KANK1: variants seen among roughly 807,000 people sequenced by gnomAD.
KANK1 encodes the protein KN motif and ankyrin repeat domain-containing protein 1.
In KANK1, 109 loss-of-function variants were observed where a neutral mutation model predicts 106.2. The observed-to-expected ratio is 1.03, with a 90% CI of 0.88 to 1.20. The LOEUF (loss-of-function observed/expected upper bound fraction) is 1.20, where lower values mean the gene tolerates loss of function less well. Among genes scored for constraint, KANK1 ranks in the 50% most tolerant of loss-of-function variants. The probability of loss-of-function intolerance (pLI) is 0.00; values close to 1 mark genes in which losing one functional copy is unlikely to be tolerated. For synonymous variants in KANK1, 873 were observed against 652.2 expected (o/e 1.34, Z -5.16); for missense variants, 2,399 against 1,710.7 (o/e 1.40, Z -7.10).
intron 1 of KANK1, among the ~76,000 whole-genome samples, chr9:533,666 G>C (rs1039877614): frequency 5.9e-5 from 9 of 152,202 alleles, no homozygotes; most frequent in African/African-American, 2.2e-4. Flanking sequence ...CCAAGGATGA[G>C]AGAGGCTGTG....
chr9:652,269 C>G (rs557364200), intron 1 of KANK1, among the ~76,000 whole-genome samples: 4 of 152,200 alleles, frequency 2.6e-5, no homozygotes, highest in South Asian at 4.1e-4. Context: ...TCCTGTAATC[C>G]CAGCACTTTG....
intron 1 of KANK1, among the ~76,000 whole-genome samples, chr9:577,427 C>T (rs1388261948): frequency 2.6e-5 from 4 of 151,992 alleles, no homozygotes; most frequent in Non-Finnish European, 4.4e-5. Flanking sequence ...CTGATTGGTG[C>T]GTTTTTACAG....
chr9:512,512 A>G (rs993885508), intron 1 of KANK1, among the ~76,000 whole-genome samples: 1 of 152,090 alleles, frequency 6.6e-6, no homozygotes, highest in Admixed American at 6.5e-5. Flanking sequence ...CCTGATTTAA[A>G]TGTGAATCTC....
rs755959811 is a variant in KANK1, at chr9:561,244, CAATT to C, written c.-84+56493_-84+56496del. 1.1e-3 allele frequency among the ~76,000 whole-genome samples: 164 copies of C among 152,196 alleles called. 1 individual carries two copies. Among genetic ancestry groups the C allele is most frequent in the Non-Finnish European group, 8.8e-4 (60 of 68,008 alleles). On this transcript the variant is annotated intron_variant, in intron 1 of 11. Transcript: ENST00000382297. ...GAAGGATATGTTTTTCTATTTCAAT[CAATT>C]AAGAATTTTTGCTTTGTAAACACAC...
At chr9:608,107 G>T (rs1230124008) in intron 1 of KANK1, among the ~76,000 whole-genome samples, 1 of 140,016 alleles carries the variant, frequency 7.1e-6, no homozygotes, top group South Asian at 2.2e-4. Flanking sequence ...GCGCAATCTC[G>T]GCTCACTGCA....
intron 2 of KANK1, chr9:706,852 G>T: frequency 1.0e-6 from 1 of 985,438 alleles, no homozygotes; most frequent in Non-Finnish European, 1.2e-6. Flanking sequence ...CTGGGCAGGA[G>T]GACACAGACT....
chr9:579,375 G>A (rs1821433716), intron 1 of KANK1, among the ~76,000 whole-genome samples: 1 of 152,152 alleles, frequency 6.6e-6, no homozygotes, highest in Admixed American at 6.5e-5. Context: ...CCAAAATCCA[G>A]GATCTTCAGA....
chr9:730,115 G>T lies in KANK1; in HGVS notation c.2763G>T (p.Gln921His), dbSNP rs747616826. The change falls in exon 4 of 12, where the codon CAG (glutamine) becomes CAT (histidine). Residue 921 changes from glutamine (Q) to histidine (H), a missense_variant. Coordinates refer to ENST00000382297, the MANE Select transcript of KANK1 (RefSeq NM_015158.5). ...GLQSGSPLSS[Q>H]TSQPEQEVGT... ...AGTCAGGAAGTCCCTTAAGCTCCCAGACATCCCAGCCTGAGCAAGAAGTGG... is the reference window on the plus strand; with the variant it reads ...AGTCAGGAAGTCCCTTAAGCTCCCATACATCCCAGCCTGAGCAAGAAGTGG... The T allele has an allele frequency of 6.2e-7, 1 of 1,614,184 alleles. No individual in the cohort carries two copies. The highest frequency in any genetic ancestry group is 2.2e-5 in the East Asian group (1 of 44,878).
At chr9:725,442 G>C (rs1269067495) in intron 3 of KANK1, among the ~76,000 whole-genome samples, 2 of 146,410 alleles carry the variant, frequency 1.4e-5, no homozygotes, top group African/African-American at 5.1e-5. Flanking sequence ...GCAGTGAACT[G>C]AGATCACGCC....
intron 3 of KANK1, among the ~76,000 whole-genome samples, chr9:481,858 A>G (rs554442263): frequency 2.0e-5 from 3 of 151,284 alleles, no homozygotes; most frequent in East Asian, 2.0e-4. Context: ...AAAAAAAAAT[A>G]AAGGATGAAC....
chr9:533,444 A>G (rs757355753), intron 1 of KANK1, among the ~76,000 whole-genome samples: 1 of 152,230 alleles, frequency 6.6e-6, no homozygotes. Flanking sequence ...GGCATAATGC[A>G]TTTAAAGTGG....
chr9:740,965 T>C (rs1256308352), intron 9 of KANK1, 31 bp downstream of exon 9: 5 of 1,612,232 alleles, frequency 3.1e-6, no homozygotes, highest in Non-Finnish European at 4.2e-6. Flanking sequence ...TGCTCAGGAA[T>C]GCACCCGTAA....
intron 1 of KANK1, among the ~76,000 whole-genome samples, chr9:599,147 T>C (rs1588134017): frequency 6.6e-6 from 1 of 150,494 alleles, no homozygotes; most frequent in Non-Finnish European, 1.5e-5. Context: ...GCCTCCTGAG[T>C]AGCTGGGATT....
intron 1 of KANK1, among the ~76,000 whole-genome samples, chr9:635,724 A>G (rs1188230128): frequency 5.0e-5 from 5 of 100,616 alleles, no homozygotes; most frequent in African/African-American, 2.1e-4. Flanking sequence ...TTTGAGACGG[A>G]GTCTTACTCT....
intron 6 of KANK1, 148 bp downstream of exon 6, chr9:732,765 A>T: frequency 1.2e-6 from 1 of 833,500 alleles, no homozygotes; most frequent in Non-Finnish European, 1.9e-6. Flanking sequence ...TAATATATAC[A>T]AGTGCAGAGT....
At chr9:598,536 T>G (rs1384491347) in intron 1 of KANK1, among the ~76,000 whole-genome samples, 2 of 151,054 alleles carry the variant, frequency 1.3e-5, no homozygotes, top group African/African-American at 4.9e-5. Flanking sequence ...TCTTCAGCAG[T>G]GTCTTGTAAT....
chr9:497,769 G>T (rs60705154), intron 3 of KANK1, among the ~76,000 whole-genome samples: 1 of 151,826 alleles, frequency 6.6e-6, no homozygotes, highest in Non-Finnish European at 1.5e-5. Context: ...AGGAGGATCA[G>T]TTGAGCCCGG....
intron 3 of KANK1, among the ~76,000 whole-genome samples, chr9:474,706 T>C (rs1319535862): frequency 6.6e-6 from 1 of 152,202 alleles, no homozygotes; most frequent in Non-Finnish European, 1.5e-5. Flanking sequence ...ATCTTTTCTA[T>C]ATTTCTTCCC....
intron 3 of KANK1, among the ~76,000 whole-genome samples, chr9:474,897 C>G (rs1186688526): frequency 6.6e-6 from 1 of 152,102 alleles, no homozygotes; most frequent in Non-Finnish European, 1.5e-5. Flanking sequence ...TGGGAGAAAC[C>G]TTAGCAATCA....
Sources: allele counts gnomAD v4.1 joint callset (sites outside exome capture counted in the v4.1 genomes callset), GRCh38; gene constraint gnomAD v4.1.1; transcripts MANE v1.5; gene names NCBI Gene and HGNC (gene_info 2026-07-23, HGNC 2026-07-21).